The following FIGN variants were observed in gnomAD, a reference collection of about 807,000 sequenced individuals.
FIGN encodes the protein fidgetin.
FIGN carries 11 observed loss-of-function variants against 51.3 expected under a neutral mutation model. That is an observed-to-expected ratio of 0.21 (90% CI 0.13 to 0.35). The LOEUF is 0.35. Among genes scored for constraint, FIGN ranks in the 10% least tolerant of loss-of-function variants. The pLI is 1.00. For missense variants in FIGN, 857 were observed against 943.6 expected, an observed-to-expected ratio of 0.91 and a Z score of 1.20; for synonymous variants, 407 against 363.2, an observed-to-expected ratio of 1.12 and a Z score of -1.37.
In FIGN at chr2:163,611,033, C is replaced by A; in HGVS notation, c.799G>T (p.Ala267Ser). The change falls in exon 3 of 3, where the codon GCA (alanine) becomes TCA (serine). Residue 267 changes from alanine to serine, a missense_variant. Around this residue, in one of 3 missense-constraint regions of FIGN, gnomAD observed 799 missense variants for 849.5 expected, o/e 0.94. Transcript: ENST00000333129. The part of the protein sequence containing the change: ...AVGSGYSPGG[A>S]PPPPSAYLPS... ...AGGTACGCTGAAGGCGGAGGCGGTG[C>A]CCCCCCAGGGCTGTACCCAGACCCC... is the stretch of plus-strand genomic sequence containing the variant. 7 of 1,613,698 alleles carry A rather than the reference C, an allele frequency of 4.3e-6. No homozygotes were observed. The highest frequency in any genetic ancestry group is 5.9e-6 in the Non-Finnish European group (7 of 1,179,970).
intron 2 of FIGN, among the ~76,000 whole-genome samples, chr2:163,706,089 C>G (rs1684494889): frequency 6.6e-6 from 1 of 152,106 alleles, no homozygotes; most frequent in Admixed American, 6.6e-5. Context: ...CTGTGAAGCT[C>G]TATTCGTATT....
intron 2 of FIGN, among the ~76,000 whole-genome samples, chr2:163,700,372 T>G (rs949687797): frequency 1.3e-5 from 2 of 152,058 alleles, no homozygotes; most frequent in Admixed American, 6.6e-5. Context: ...GCAGTTTCAC[T>G]TGAAGAAGAG....
intron 2 of FIGN, among the ~76,000 whole-genome samples, chr2:163,684,166 T>TGC (rs1553500655): frequency 4.0e-5 from 6 of 151,212 alleles, no homozygotes; most frequent in Non-Finnish European, 7.4e-5. Context: ...AAATTATCTT[T>TGC]ACACACACAC....
At chr2:163,712,270 T>C (rs1684598442) in intron 2 of FIGN, among the ~76,000 whole-genome samples, 2 of 152,256 alleles carry the variant, frequency 1.3e-5, no homozygotes, top group African/African-American at 4.8e-5. Flanking sequence ...ATGGAGTTTG[T>C]CCTCTAAAAG....
chr2:163,676,894 A>G (rs1683981160), intron 2 of FIGN, among the ~76,000 whole-genome samples: 2 of 152,122 alleles, frequency 1.3e-5, no homozygotes, highest in Admixed American at 1.3e-4. Context: ...AAGAATTAGC[A>G]CTCAAAATAT....
chr2:163,688,229 G>A (rs1684184826), intron 2 of FIGN, among the ~76,000 whole-genome samples: 1 of 152,194 alleles, frequency 6.6e-6, no homozygotes, highest in African/African-American at 2.4e-5. Context: ...TCCATCACCA[G>A]TGAAATGAGT....
intron 2 of FIGN, among the ~76,000 whole-genome samples, chr2:163,650,595 G>C (rs989434124): frequency 6.6e-6 from 1 of 151,280 alleles, no homozygotes; most frequent in Non-Finnish European, 1.5e-5. Flanking sequence ...CTGTGTCCAT[G>C]TGTTCTCATT....
At chr2:163,733,029 A>G (rs970899216) in intron 2 of FIGN, among the ~76,000 whole-genome samples, 2 of 152,214 alleles carry the variant, frequency 1.3e-5, no homozygotes, top group Non-Finnish European at 2.9e-5. Flanking sequence ...AAATAATCAG[A>G]GTAAAGAATT....
rs1691017896 is a variant in FIGN at position 163,603,439 on chromosome 2, T to C, written c.*6113A>G. On this transcript the variant is annotated 3_prime_UTR_variant, in exon 3 of 3. Coordinates refer to ENST00000333129, the MANE Select transcript of FIGN (RefSeq NM_018086.4). Reference sequence around the variant, plus strand: ...TTTTAATTAGTTAGGTTTCTTTTTCTTTTTTTAAATTTCTGTCTCAGACAA... The same window carrying C: ...TTTTAATTAGTTAGGTTTCTTTTTCCTTTTTTAAATTTCTGTCTCAGACAA... The C allele has an allele frequency of 6.6e-6, 1 of 152,098 alleles. No homozygotes were observed. The highest frequency in any genetic ancestry group is 2.4e-5 in the African/African-American group (1 of 41,430). The allele number at this position is 152,098 out of a possible 1,614,324, so 9.4% of individuals were successfully genotyped here. A position where few individuals can be genotyped will look rare whatever the true frequency, so the allele number is the denominator to read the frequency against.
intron 2 of FIGN, among the ~76,000 whole-genome samples, chr2:163,666,738 T>G (rs1683779573): frequency 6.6e-6 from 1 of 152,074 alleles, no homozygotes; most frequent in Non-Finnish European, 1.5e-5. Context: ...AACTCTGGTA[T>G]CAGGATGACA....
Position 163,607,400 on chromosome 2 carries a change from C to T in FIGN, c.*2152G>A, listed in dbSNP as rs760962074. On this transcript the variant is annotated 3_prime_UTR_variant, in exon 3 of 3. Coordinates refer to ENST00000333129, the MANE Select transcript of FIGN (RefSeq NM_018086.4). ...TATATTTAAGCACAGCTTTAATTGA[C>T]AGAATGTCACAGTAAATTAAATTCT... The T allele has an allele frequency of 1.3e-4, 20 of 152,180 alleles. No homozygotes were observed. The highest frequency in any genetic ancestry group is 2.6e-4 in the Non-Finnish European group (18 of 68,020). 9.4% of individuals were successfully genotyped at this position (152,180 alleles called of 1,614,324 possible).
intron 2 of FIGN, 80 bp downstream of exon 2, chr2:163,734,823 G>T: frequency 7.4e-7 from 1 of 1,342,532 alleles, no homozygotes; most frequent in Non-Finnish European, 1.0e-6. Context: ...TTGCCAGGCA[G>T]TCTTCAATGG....
chr2:163,638,364 G>A (rs1384092914), intron 2 of FIGN, among the ~76,000 whole-genome samples: 1 of 152,046 alleles, frequency 6.6e-6, no homozygotes, highest in Admixed American at 6.6e-5. Flanking sequence ...ACAAGTAAGA[G>A]AGTATTAACT....
chr2:163,715,914 C>G (rs747882384), intron 2 of FIGN, among the ~76,000 whole-genome samples: 6 of 152,308 alleles, frequency 3.9e-5, no homozygotes, highest in Non-Finnish European at 7.4e-5. Flanking sequence ...GCATAAATGA[C>G]TGTCAACTTA....
chr2:163,645,435 G>T (rs923336198), intron 2 of FIGN, among the ~76,000 whole-genome samples: 5 of 152,134 alleles, frequency 3.3e-5, no homozygotes, highest in Non-Finnish European at 5.9e-5. Flanking sequence ...CTTTCACAGT[G>T]CCCAGATATG....
At chr2:163,663,562 A>G (rs1024606800) in intron 2 of FIGN, among the ~76,000 whole-genome samples, 6 of 150,990 alleles carry the variant, frequency 4.0e-5, no homozygotes, top group Non-Finnish European at 7.4e-5. Flanking sequence ...TCAAACTCCC[A>G]ACCTCAGGTG....
chr2:163,619,565 A>G (rs1682934717), intron 2 of FIGN, among the ~76,000 whole-genome samples: 1 of 152,078 alleles, frequency 6.6e-6, no homozygotes, highest in Non-Finnish European at 1.5e-5. Context: ...TTTTTGCCAA[A>G]ATTTCATGTG....
chr2:163,623,024 C>T (rs887746994), intron 2 of FIGN, among the ~76,000 whole-genome samples: 3 of 152,120 alleles, frequency 2.0e-5, no homozygotes, highest in Non-Finnish European at 4.4e-5. Flanking sequence ...AACACGAAAA[C>T]CCAACTCTGT....
In FIGN at chr2:163,655,804, C is replaced by CACAG. The variant is rs374458554; in HGVS notation, c.26-43999_26-43998insCTGT. Among the ~76,000 whole-genome samples, 1,207 of 145,828 alleles carry CACAG rather than the reference C, an allele frequency of 8.3e-3. 18 individuals carry two copies. Among genetic ancestry groups the CACAG allele is most frequent in the African/African-American group, 0.028 (1,109 of 39,456 alleles). On this transcript the variant is annotated intron_variant, in intron 2 of 2. Transcript: ENST00000333129. ...ACACACGCACACACACACACACACA[C>CACAG]AGAGAGAGAGAGAGAGAGAGAGAGC...
Sources: gnomAD v4.1 joint callset for allele counts (sites outside exome capture counted in the v4.1 genomes callset) on GRCh38, gnomAD v4.1.1 for gene constraint, gnomAD v4.1.1 regional missense constraint, MANE v1.5 for transcripts, NCBI Gene and HGNC (gene_info 2026-07-23, HGNC 2026-07-21) for gene names.